Variants in KCNT1 observed in about 807,000 individuals in gnomAD.
KCNT1 encodes potassium channel subfamily T member 1.
In KCNT1, 78 loss-of-function variants were observed where a neutral mutation model predicts 147.8. That is an observed-to-expected ratio of 0.53 (90% CI 0.44 to 0.64). The LOEUF (loss-of-function observed/expected upper bound fraction) is 0.64, where lower values mean the gene tolerates loss of function less well. Among genes scored for constraint, KCNT1 ranks in the 30% least tolerant of loss-of-function variants. The pLI, the probability that KCNT1 is intolerant of heterozygous loss-of-function variation, is 0.00. For missense variants in KCNT1, 1,419 were observed against 1,750.3 expected, an observed-to-expected ratio of 0.81 and a Z score of 3.38; for synonymous variants, 867 against 748.8, an observed-to-expected ratio of 1.16 and a Z score of -2.58.
intron 28 of KCNT1, 184 bp downstream of exon 28, chr9:135,785,514 C>G: frequency 1.3e-6 from 1 of 754,778 alleles, no homozygotes. Flanking sequence ...TTGACACTCA[C>G]TCCCTCCTGC....
At chr9:135,711,947 C>A (rs1835511719) in intron 1 of KCNT1, among the ~76,000 whole-genome samples, 1 of 152,262 alleles carries the variant, frequency 6.6e-6, no homozygotes, top group Non-Finnish European at 1.5e-5. Context: ...TATAAGGGAA[C>A]AGGCATCAGT....
chr9:135,758,779 G>A (rs902530473), intron 10 of KCNT1, among the ~76,000 whole-genome samples: 4 of 152,334 alleles, frequency 2.6e-5, no homozygotes, highest in African/African-American at 7.2e-5. Context: ...TGCCATGGAC[G>A]TAGAGAAGGG....
intron 3 of KCNT1, 109 bp downstream of exon 3, chr9:135,750,286 G>A (rs762952564): frequency 5.5e-5 from 48 of 869,126 alleles, no homozygotes; most frequent in Non-Finnish European, 8.3e-5. Context: ...GAGAGTCCAT[G>A]GGGTGGGAGC....
intron 7 of KCNT1, 36 bp downstream of exon 7, chr9:135,756,968 TC>T: frequency 1.2e-6 from 1 of 852,570 alleles, no homozygotes; most frequent in African/African-American, 2.3e-5. Context: ...TCACAGGGGG[TC>T]CCCACCCTCC....
At chr9:135,750,316 C>G in intron 3 of KCNT1, 139 bp downstream of exon 3, 1 of 496,744 alleles carries the variant, frequency 2.0e-6, no homozygotes, top group Non-Finnish European at 3.9e-6. Context: ...GCTGCGGGGG[C>G]ATTTGGAAGC....
chr9:135,712,917 A>G (rs549898278), intron 1 of KCNT1, among the ~76,000 whole-genome samples: 3 of 152,298 alleles, frequency 2.0e-5, no homozygotes, highest in African/African-American at 7.2e-5. Flanking sequence ...CACCCTCCCC[A>G]GGCCACATCT....
intron 2 of KCNT1, among the ~76,000 whole-genome samples, chr9:135,731,991 T>TATATATATAGAGAGAG (rs1276318460): frequency 7.4e-4 from 16 of 21,720 alleles, no homozygotes; most frequent in Non-Finnish European, 1.1e-3. Flanking sequence ...TATATATATA[T>TATATATATAGAGAGAG]AGAGAGAGAG....
At chr9:135,710,679 G>A (rs1228370394) in intron 1 of KCNT1, among the ~76,000 whole-genome samples, 6 of 152,222 alleles carry the variant, frequency 3.9e-5, no homozygotes, top group African/African-American at 1.2e-4. Flanking sequence ...CTGGACATTG[G>A]TGCTGGCAGC....
rs919908580 is a variant in KCNT1, at chr9:135,757,445, G to T, written c.759+64G>T. 27 of 1,473,494 alleles carry T rather than the reference G, an allele frequency of 1.8e-5. 1 individual carries two copies. The South Asian group carries it at 2.6e-4, about 14-fold the overall frequency. The allele number at this position is 1,473,494 out of a possible 1,614,324, so 91.3% of individuals were successfully genotyped here. A position where few individuals can be genotyped will look rare whatever the true frequency, so the allele number is the denominator to read the frequency against. On this transcript the variant is annotated intron_variant, in intron 9 of 30. Transcript: ENST00000371757. ...GCCACCCTCAGCCTCACCGGCCCTG[G>T]AAGACACTGTGCGACGTAGCCTGCC...
intron 20 of KCNT1, among the ~76,000 whole-genome samples, chr9:135,777,110 C>T (rs1833224368): frequency 6.6e-6 from 1 of 152,240 alleles, no homozygotes; most frequent in African/African-American, 2.4e-5. Flanking sequence ...GGACACCGCC[C>T]TTTCCACCCC....
At chr9:135,743,699 C>T (rs981739305) in intron 2 of KCNT1, among the ~76,000 whole-genome samples, 8 of 152,216 alleles carry the variant, frequency 5.3e-5, no homozygotes, top group Non-Finnish European at 8.8e-5. Context: ...CGTCTGCAGC[C>T]GAGGCTATAG....
At chr9:135,769,635 G>C (rs568596575) in intron 15 of KCNT1, among the ~76,000 whole-genome samples, 101 of 152,296 alleles carry the variant, frequency 6.6e-4, no homozygotes, top group African/African-American at 2.3e-3. Context: ...CCCATGCCAG[G>C]TGCCCAGGGG....
chr9:135,748,364 G>C (rs752561349), intron 2 of KCNT1, among the ~76,000 whole-genome samples: 3 of 145,294 alleles, frequency 2.1e-5, no homozygotes, highest in Non-Finnish European at 3.0e-5. Context: ...GCACACACCT[G>C]GTCCACACCA....
intron 2 of KCNT1, among the ~76,000 whole-genome samples, chr9:135,744,941 G>A (rs780566597): frequency 2.6e-5 from 4 of 152,190 alleles, no homozygotes; most frequent in African/African-American, 9.6e-5. Flanking sequence ...CCCACCAGCC[G>A]AAATGCAGAC....
chr9:135,763,572 C>CCT (rs760187189), intron 11 of KCNT1, among the ~76,000 whole-genome samples: 6 of 152,100 alleles, frequency 3.9e-5, no homozygotes, highest in Non-Finnish European at 8.8e-5. Context: ...TTGTCCCATG[C>CCT]CTCTCTCCAG....
chr9:135,720,148 G>T (rs1048087701), intron 2 of KCNT1, among the ~76,000 whole-genome samples: 4 of 152,040 alleles, frequency 2.6e-5, no homozygotes, highest in African/African-American at 7.2e-5. Context: ...GGAGGGGGCA[G>T]CCCAGACCCC....
intron 1 of KCNT1, among the ~76,000 whole-genome samples, chr9:135,704,950 G>T (rs1246576776): frequency 6.6e-6 from 1 of 152,070 alleles, no homozygotes; most frequent in Non-Finnish European, 1.5e-5. Flanking sequence ...TAACAGCTCA[G>T]GAGGACAGAG....
chr9:135,737,929 G>A (rs746083776), intron 2 of KCNT1, among the ~76,000 whole-genome samples: 3 of 152,218 alleles, frequency 2.0e-5, no homozygotes, highest in Non-Finnish European at 2.9e-5. Context: ...CTCCGCCAGG[G>A]AGGCGAGCAC....
chr9:135,729,811 G>A (rs1352711718), intron 2 of KCNT1, among the ~76,000 whole-genome samples: 3 of 152,214 alleles, frequency 2.0e-5, no homozygotes, highest in South Asian at 2.1e-4. Context: ...TGGTGTCTGC[G>A]TGTGGCCTCA....
Sources: gnomAD v4.1 joint callset for allele counts (sites outside exome capture counted in the v4.1 genomes callset) on GRCh38, gnomAD v4.1.1 for gene constraint, MANE v1.5 for transcripts, NCBI Gene and HGNC (gene_info 2026-07-23, HGNC 2026-07-21) for gene names.